C1QTNF7: variants seen among roughly 807,000 people sequenced by gnomAD.
C1QTNF7 encodes the protein complement C1q tumor necrosis factor-related protein 7.
A neutral mutation model predicts 19.6 loss-of-function variants in C1QTNF7; 15 were observed. That is an observed-to-expected ratio of 0.76 (90% confidence interval 0.51 to 1.18). The LOEUF (loss-of-function observed/expected upper bound fraction) is 1.18. Among genes scored for constraint, C1QTNF7 ranks in the 50% most tolerant of loss-of-function variants. The probability of loss-of-function intolerance (pLI) is 0.00; values close to 1 mark genes in which losing one functional copy is unlikely to be tolerated. For missense variants in C1QTNF7, 324 were observed against 359.7 expected, an observed-to-expected ratio of 0.90 and a Z score of 0.80; for synonymous variants, 142 against 137.5, an observed-to-expected ratio of 1.03 and a Z score of -0.23.
At chr4:15,439,652 A>C (rs983015529) in intron 2 of C1QTNF7, among the ~76,000 whole-genome samples, 8 of 152,230 alleles carry the variant, frequency 5.3e-5, no homozygotes, top group Non-Finnish European at 1.2e-4. Context: ...AAAATTTCTC[A>C]AGAACAAATA....
At chr4:15,418,489 A>G (rs2108923374) in intron 1 of C1QTNF7, among the ~76,000 whole-genome samples, 1 of 151,912 alleles carries the variant, frequency 6.6e-6, no homozygotes. Context: ...CCTCTCACAT[A>G]CTGTTCTCCC....
chr4:15,389,619 A>T lies in C1QTNF7; in HGVS notation c.14-46117A>T, dbSNP rs1718478995. 1.3e-5 allele frequency among the ~76,000 whole-genome samples: 2 copies of T among 152,082 alleles called. 1 individual carries two copies. Among genetic ancestry groups the T allele is most frequent in the Admixed American group, 1.3e-4 (2 of 15,268 alleles). On this transcript the variant is annotated intron_variant, in intron 1 of 2. Coordinates refer to the C1QTNF7 transcript ENST00000295297. ...TTTTTAGTAGAGACAGGGTTTCACCATGTTGGTCAGGCTGGTCTCAAACTC... is the reference window on the plus strand; with the variant it reads ...TTTTTAGTAGAGACAGGGTTTCACCTTGTTGGTCAGGCTGGTCTCAAACTC...
At chr4:15,391,552 G>A (rs73230987) in intron 1 of C1QTNF7, among the ~76,000 whole-genome samples, 11 of 152,254 alleles carry the variant, frequency 7.2e-5, no homozygotes, top group Non-Finnish European at 1.3e-4. Context: ...TCAAGCCCCA[G>A]TGACCAATGC....
intron 1 of C1QTNF7, among the ~76,000 whole-genome samples, chr4:15,418,801 A>T (rs1577270907): frequency 6.6e-6 from 1 of 152,206 alleles, no homozygotes; most frequent in East Asian, 1.9e-4. Flanking sequence ...AATAACAGTA[A>T]CCTTCTCCTG....
At chr4:15,429,231 T>C (rs543907355) in intron 1 of C1QTNF7, among the ~76,000 whole-genome samples, 389 of 152,340 alleles carry the variant, frequency 2.6e-3, no homozygotes, top group Non-Finnish European at 4.2e-3. Flanking sequence ...TGGTAAAATA[T>C]ACATATCATA....
chr4:15,392,149 T>C (rs1004766083), intron 1 of C1QTNF7, among the ~76,000 whole-genome samples: 2 of 152,200 alleles, frequency 1.3e-5, no homozygotes, highest in African/African-American at 4.8e-5. Context: ...GAATGTGCCA[T>C]AGACACCAAG....
At chr4:15,375,035 G>T (rs1717883156) in intron 1 of C1QTNF7, among the ~76,000 whole-genome samples, 1 of 151,842 alleles carries the variant, frequency 6.6e-6, no homozygotes, top group African/African-American at 2.4e-5. Context: ...TGCCAATTAT[G>T]CTCCTTCATA....
intron 1 of C1QTNF7, among the ~76,000 whole-genome samples, chr4:15,394,700 ATG>A (rs200234586): frequency 2.9e-4 from 43 of 149,164 alleles, no homozygotes; most frequent in African/African-American, 1.1e-3. Context: ...AATTACAAAC[ATG>A]TGTTGGATTC....
chr4:15,383,730 C>T (rs928221315), intron 1 of C1QTNF7, among the ~76,000 whole-genome samples: 4 of 152,298 alleles, frequency 2.6e-5, no homozygotes, highest in South Asian at 2.1e-4. Flanking sequence ...CAGGTAGCAA[C>T]GTCTGTAGTA....
At chr4:15,345,210 G>A (rs1413108825) in intron 1 of C1QTNF7, among the ~76,000 whole-genome samples, 1 of 152,148 alleles carries the variant, frequency 6.6e-6, no homozygotes, top group Non-Finnish European at 1.5e-5. Context: ...TTAACACTAA[G>A]GTCAGGCAAA....
At chr4:15,344,671 G>T (rs1343807744) in intron 1 of C1QTNF7, among the ~76,000 whole-genome samples, 1 of 152,158 alleles carries the variant, frequency 6.6e-6, no homozygotes, top group Non-Finnish European at 1.5e-5. Flanking sequence ...CGATCAGCAG[G>T]TTCCAAACTT....
intron 1 of C1QTNF7, among the ~76,000 whole-genome samples, chr4:15,348,150 C>G (rs1024094005): frequency 1.3e-5 from 2 of 152,130 alleles, no homozygotes; most frequent in African/African-American, 4.8e-5. Flanking sequence ...GGGGGATTTC[C>G]TCTCCCTGGA....
intron 1 of C1QTNF7, among the ~76,000 whole-genome samples, chr4:15,361,931 T>C (rs1717357392): frequency 6.6e-6 from 1 of 152,054 alleles, no homozygotes; most frequent in Non-Finnish European, 1.5e-5. Context: ...GTTCTCAAAA[T>C]CCACAGCCCA....
chr4:15,406,921 T>C (rs1186619765), intron 1 of C1QTNF7, among the ~76,000 whole-genome samples: 1 of 152,134 alleles, frequency 6.6e-6, no homozygotes, highest in Non-Finnish European at 1.5e-5. Context: ...CTGATTTCTA[T>C]TTTCTTCCTT....
At chr4:15,441,294 A>G (rs1346512312) in intron 2 of C1QTNF7, among the ~76,000 whole-genome samples, 1 of 152,238 alleles carries the variant, frequency 6.6e-6, no homozygotes, top group Non-Finnish European at 1.5e-5. Context: ...CTCATTTGCA[A>G]TGAAAGTAAT....
At chr4:15,409,580 T>C (rs940718508) in intron 1 of C1QTNF7, among the ~76,000 whole-genome samples, 12 of 152,244 alleles carry the variant, frequency 7.9e-5, no homozygotes, top group African/African-American at 2.7e-4. Flanking sequence ...ATGAATCTAG[T>C]GAGATGCTGT....
At chr4:15,431,052 TGATAGATAGATAGATAGATAGATAGATA>T (rs33924061) in intron 1 of C1QTNF7, among the ~76,000 whole-genome samples, 1 of 144,918 alleles carries the variant, frequency 6.9e-6, no homozygotes, top group Admixed American at 6.9e-5. Context: ...GATAGATAGA[TGATAGATAGATAGATAGATAGATAGATA>T]GATAGATAGA....
At chr4:15,350,929 C>T (rs1344376014) in intron 1 of C1QTNF7, among the ~76,000 whole-genome samples, 1 of 152,082 alleles carries the variant, frequency 6.6e-6, no homozygotes, top group African/African-American at 2.4e-5. Context: ...GATTCTAATC[C>T]AAAGAGACAG....
At chr4:15,386,034 C>T (rs747033885) in intron 1 of C1QTNF7, among the ~76,000 whole-genome samples, 7 of 152,222 alleles carry the variant, frequency 4.6e-5, no homozygotes, top group African/African-American at 7.2e-5. Flanking sequence ...GCTCAAAAAC[C>T]AGACCTGGAA....
Sources: allele counts gnomAD v4.1 joint callset (sites outside exome capture counted in the v4.1 genomes callset), GRCh38; gene constraint gnomAD v4.1.1; transcripts MANE v1.5; gene names NCBI Gene and HGNC (gene_info 2026-07-23, HGNC 2026-07-21).